MCMDC2: variants seen among roughly 807,000 people sequenced by gnomAD.
MCMDC2 encodes the protein minichromosome maintenance domain-containing protein 2.
In MCMDC2, 54 loss-of-function variants were observed where a neutral mutation model predicts 75.8. The ratio of observed to expected loss-of-function variants is 0.71; its 90% CI spans 0.57 to 0.89. MCMDC2 has a LOEUF of 0.89. Ranked by LOEUF, MCMDC2 falls within the 40% of genes least tolerant of loss-of-function variation. The probability of loss-of-function intolerance (pLI) is 0.00; values close to 1 mark genes in which losing one functional copy is unlikely to be tolerated. For synonymous variants in MCMDC2, 249 were observed against 274.6 expected, an observed-to-expected ratio of 0.91 and a Z score of 0.92; for missense variants, 656 against 780.4, an observed-to-expected ratio of 0.84 and a Z score of 1.90.
At chr8:66,917,507 C>T (rs564503215) in intron 14 of MCMDC2, among the ~76,000 whole-genome samples, 5 of 152,320 alleles carry the variant, frequency 3.3e-5, no homozygotes, top group South Asian at 2.1e-4. Flanking sequence ...CACCACCCTT[C>T]GTCGCCAGAG....
intron 9 of MCMDC2, among the ~76,000 whole-genome samples, chr8:66,886,128 G>A (rs1318276519): frequency 2.0e-5 from 3 of 148,134 alleles, no homozygotes; most frequent in African/African-American, 7.4e-5. Context: ...CCTAGGAGAA[G>A]AATTGCTGGG....
At chr8:66,908,400 C>T (rs1812986146) in intron 14 of MCMDC2, among the ~76,000 whole-genome samples, 1 of 152,054 alleles carries the variant, frequency 6.6e-6, no homozygotes, top group Non-Finnish European at 1.5e-5. Flanking sequence ...ACATGCTTCT[C>T]CTAGTCTATG....
At chr8:66,910,581 G>C (rs1041812072) in intron 14 of MCMDC2, among the ~76,000 whole-genome samples, 2 of 152,142 alleles carry the variant, frequency 1.3e-5, no homozygotes, top group African/African-American at 4.8e-5. Context: ...AGGCTGAGGC[G>C]GGTGGATCAC....
chr8:66,899,747 C>T (rs1415282616), intron 12 of MCMDC2, among the ~76,000 whole-genome samples: 2 of 151,854 alleles, frequency 1.3e-5, no homozygotes, highest in East Asian at 3.9e-4. Flanking sequence ...CTACCCACCT[C>T]GGCCTCCCAA....
chr8:66,895,645 C>T (rs1287762343), intron 10 of MCMDC2, among the ~76,000 whole-genome samples: 2 of 152,036 alleles, frequency 1.3e-5, no homozygotes, highest in East Asian at 1.9e-4. Context: ...GCAATCCCCC[C>T]GTGTCAGCCT....
At chr8:66,881,901 T>A (rs547275171) in intron 8 of MCMDC2, among the ~76,000 whole-genome samples, 1 of 152,374 alleles carries the variant, frequency 6.6e-6, no homozygotes, top group South Asian at 2.1e-4. Flanking sequence ...AAAAGGCTGA[T>A]TAAATCTTGA....
chr8:66,893,166 T>G (rs1471460806), intron 10 of MCMDC2, among the ~76,000 whole-genome samples: 5 of 152,148 alleles, frequency 3.3e-5, no homozygotes. Flanking sequence ...CCAGCATGAA[T>G]GTATAAGTGT....
chr8:66,908,839 A>G (rs1307222822), intron 14 of MCMDC2, among the ~76,000 whole-genome samples: 1 of 152,140 alleles, frequency 6.6e-6, no homozygotes, highest in Non-Finnish European at 1.5e-5. Context: ...TCAAACTGTC[A>G]AGACCTCAAG....
In MCMDC2 at chr8:66,905,345, T is replaced by G; in HGVS notation, c.1879+10T>G. On this transcript the variant is annotated intron_variant, in intron 14 of 14. Transcript: ENST00000422365. ...CTCACATTGAAATATGGTAATGAAT[T>G]AAATTATTAATGATCACTACAAATA... 1.4e-6 allele frequency: 2 copies of G among 1,447,270 alleles called. No individual in the cohort carries two copies. Among genetic ancestry groups the G allele is most frequent in the Non-Finnish European group, 1.8e-6 (2 of 1,095,804 alleles). The allele number at this position is 1,447,270 out of a possible 1,614,324, so 89.7% of individuals were successfully genotyped here. A position where few individuals can be genotyped will look rare whatever the true frequency, so the allele number is the denominator to read the frequency against.
At chr8:66,913,939 G>A (rs576067257) in intron 14 of MCMDC2, among the ~76,000 whole-genome samples, 17 of 147,344 alleles carry the variant, frequency 1.2e-4, no homozygotes, top group Non-Finnish European at 2.2e-4. Flanking sequence ...CCTCCAGCCT[G>A]GGTGACAGAG....
intron 13 of MCMDC2, chr8:66,901,924 C>T (rs889433699): frequency 6.6e-6 from 1 of 152,252 alleles, no homozygotes; most frequent in African/African-American, 2.4e-5. Context: ...CAGTGAGACT[C>T]CGTCTCAAAA....
chr8:66,886,849 A>G (rs72654915), intron 9 of MCMDC2, among the ~76,000 whole-genome samples: 8,847 of 152,158 alleles, frequency 0.058, 329 homozygotes, highest in Non-Finnish European at 0.083. Flanking sequence ...CCTACCAACA[A>G]TGTAAAGAGT....
At chr8:66,901,547 AT>A in intron 13 of MCMDC2, 199 bp downstream of exon 13, 1 of 1,262,994 alleles carries the variant, frequency 7.9e-7, no homozygotes. Context: ...ATCTCTAATA[AT>A]TTTTTTACTA....
downstream of MCMDC2, among the ~76,000 whole-genome samples, chr8:66,925,999 A>T (rs1813705271): frequency 6.6e-6 from 1 of 151,978 alleles, no homozygotes. Flanking sequence ...ATACAAAAAA[A>T]TTGGCCGATT....
In MCMDC2 at chr8:66,890,969, T is replaced by G. The variant is rs1479165726; in HGVS notation, c.1178T>G (p.Val393Gly). ...AGGAATAAGTATGGAACTGGAGCAG[T>G]TAGCATTCAGGCTGGCAGTGCTTTG... ...LSRNKYGTGA[V>G]SIQAGSALLA... Residue 393 changes from valine to glycine, a missense_variant, in exon 10 of 15, where the codon GTT (valine) becomes GGT (glycine). Transcript: ENST00000422365. 1.9e-6 allele frequency: 3 copies of G among 1,613,030 alleles called. No individual in the cohort carries two copies. The African/African-American group carries it at 4.0e-5, about 22-fold the overall frequency.
intron 14 of MCMDC2, among the ~76,000 whole-genome samples, chr8:66,910,461 C>T (rs1813061698): frequency 1.3e-5 from 2 of 152,202 alleles, no homozygotes; most frequent in South Asian, 4.1e-4. Context: ...CCCTCTCTTA[C>T]ATCAGCATTA....
At chr8:66,887,877 G>T (rs1197716300) in intron 9 of MCMDC2, among the ~76,000 whole-genome samples, 1 of 152,040 alleles carries the variant, frequency 6.6e-6, no homozygotes, top group Non-Finnish European at 1.5e-5. Context: ...CAGAATCAGG[G>T]TATAAAATTG....
intron 13 of MCMDC2, among the ~76,000 whole-genome samples, chr8:66,904,848 C>T (rs1004569852): frequency 1.3e-5 from 2 of 152,048 alleles, no homozygotes; most frequent in Middle Eastern, 3.4e-3. Context: ...AAATTGCAAA[C>T]AAAAATCTTG....
intron 10 of MCMDC2, among the ~76,000 whole-genome samples, chr8:66,895,157 T>C (rs895338010): frequency 2.0e-5 from 3 of 152,206 alleles, no homozygotes; most frequent in African/African-American, 7.2e-5. Context: ...CTTATAATAG[T>C]CAATACAATG....
Sources: allele counts gnomAD v4.1 joint callset (sites outside exome capture counted in the v4.1 genomes callset), GRCh38; gene constraint gnomAD v4.1.1; transcripts MANE v1.5; gene names NCBI Gene and HGNC (gene_info 2026-07-23, HGNC 2026-07-21).